The following ARHGEF38 variants were observed in gnomAD, a reference collection of about 807,000 sequenced individuals.
ARHGEF38 encodes the protein Rho guanine nucleotide exchange factor 38, also known as Rho guanine nucleotide exchange factor (GEF) 38.
Under a neutral mutation model 79.9 loss-of-function variants are expected in ARHGEF38, and 79 were observed. The ratio of observed to expected loss-of-function variants is 0.99; its 90% CI spans 0.82 to 1.19. The LOEUF (loss-of-function observed/expected upper bound fraction) is 1.19. Ranked by LOEUF, ARHGEF38 falls within the 50% of genes most tolerant of loss-of-function variation. ARHGEF38 has a pLI of 0.00. For missense variants in ARHGEF38, 962 were observed against 907.2 expected (o/e 1.06, Z -0.78); for synonymous variants, 366 against 328.3 (o/e 1.11, Z -1.24).
chr4:105,589,353 A>G lies in ARHGEF38; in HGVS notation c.302A>G (p.Glu101Gly), dbSNP rs1335016108. The G allele has an allele frequency of 6.2e-7, 1 of 1,614,134 alleles. No homozygotes were observed. Among genetic ancestry groups the G allele is most frequent in the Admixed American group, 1.7e-5 (1 of 60,016 alleles). The change falls in exon 2 of 14, where the codon GAG becomes GGG. Residue 101 changes from glutamate (E) to glycine (G), a missense_variant. Coordinates refer to ENST00000420470, the MANE Select transcript of ARHGEF38 (RefSeq NM_001242729.2). Reference sequence around the variant, plus strand: ...GCAAAGCGGGAAAAGATCATTAAGGAGCTGATACAGACAGAAAAGGATTAT... The same window carrying G: ...GCAAAGCGGGAAAAGATCATTAAGGGGCTGATACAGACAGAAAAGGATTAT... ...MMAKREKIIK[E>G]LIQTEKDYLN...
chr4:105,595,329 T>G (rs994315771), intron 2 of ARHGEF38, among the ~76,000 whole-genome samples: 5 of 152,224 alleles, frequency 3.3e-5, no homozygotes, highest in Non-Finnish European at 7.4e-5. Context: ...TTTAATCATG[T>G]GCCTTATGCT....
chr4:105,666,254 A>C lies in ARHGEF38; in HGVS notation c.1623A>C (p.Lys541Asn), dbSNP rs1487780027. 1 of 1,535,468 alleles carries C rather than the reference A, an allele frequency of 6.5e-7. No individual in the cohort carries two copies. Among genetic ancestry groups the C allele is most frequent in the African/African-American group, 1.4e-5 (1 of 73,034 alleles). The change falls in exon 11 of 14, where the codon AAA becomes AAC. Residue 541 changes from lysine (K) to asparagine (N), a missense_variant. Coordinates refer to ENST00000420470, the MANE Select transcript of ARHGEF38 (RefSeq NM_001242729.2). ...AGATCCAAAATTTGAATTGTGTGAA[A>C]GAAAACAGTGCCACCTTTATTGAGA... ...LEEIQNLNCV[K>N]ENSATFIERK...
rs531654178 is a variant in ARHGEF38, at chr4:105,594,014, G to A, written c.384+4579G>A. Among the ~76,000 whole-genome samples, 3 of 152,214 alleles carry A rather than the reference G, an allele frequency of 2.0e-5. No individual in the cohort carries two copies. The South Asian group carries it at 6.2e-4, about 32-fold the overall frequency. ...TGTTGATTTTTCACACTTTGACCTT[G>A]TTATTTAGCTATCTTTCAATGCTGT... On this transcript the variant is annotated intron_variant, in intron 2 of 13. Transcript: ENST00000420470.
chr4:105,557,764 G>A (rs535782937), intron 1 of ARHGEF38, among the ~76,000 whole-genome samples: 2 of 152,176 alleles, frequency 1.3e-5, no homozygotes, highest in Non-Finnish European at 2.9e-5. Flanking sequence ...CTAGCCTGCA[G>A]AACTGTGAAA....
intron 1 of ARHGEF38, among the ~76,000 whole-genome samples, chr4:105,571,383 C>A (rs1304341406): frequency 7.1e-6 from 1 of 140,218 alleles, no homozygotes; most frequent in Non-Finnish European, 1.5e-5. Flanking sequence ...AGTGCAATGG[C>A]GCAATCTTGG....
rs1308654778 is a variant in ARHGEF38 at position 105,556,051 on chromosome 4, G to C, written c.196+3090G>C. On this transcript the variant is annotated intron_variant, in intron 1 of 13. Transcript: ENST00000420470. ...CTAAGCCTGGAGTTGTATAATAATA[G>C]AAAGGCCACCCTTAGGCTCCCTTAC... Among the ~76,000 whole-genome samples, 3 of 152,142 alleles carry C rather than the reference G, an allele frequency of 2.0e-5. No homozygotes were observed. In the East Asian group the frequency reaches 5.8e-4, roughly 29 times the overall value.
intron 5 of ARHGEF38, among the ~76,000 whole-genome samples, chr4:105,644,106 A>C (rs1366366317): frequency 1.3e-5 from 2 of 151,728 alleles, no homozygotes; most frequent in Non-Finnish European, 2.9e-5. Flanking sequence ...GGGCTCAAGT[A>C]ATCTGCCTGC....
intron 1 of ARHGEF38, among the ~76,000 whole-genome samples, chr4:105,563,743 C>T (rs1409201192): frequency 1.3e-5 from 2 of 152,174 alleles, no homozygotes; most frequent in African/African-American, 2.4e-5. Context: ...TTGAACAATA[C>T]TCACAAGCAT....
chr4:105,666,457 A>G (rs1730752954), intron 11 of ARHGEF38, 137 bp downstream of exon 11: 2 of 1,055,734 alleles, frequency 1.9e-6, no homozygotes, highest in Non-Finnish European at 2.6e-6. Flanking sequence ...TTTCTTGTAC[A>G]TTTCTATCCT....
At position 105,645,203 on chromosome 4, in the gene ARHGEF38, A is replaced by G; in HGVS notation, c.690A>G (p.Leu230=). The part of the protein sequence containing the change: ...KIYMQEGKPN[L]LDMGSLMIKP... ...TGTATTGTAGAGGCAAACCAAACTT[A>G]TTGGACATGGGCTCTTTGATGATCA... Residue 230 remains leucine, a synonymous_variant, in exon 6 of 14, where the codon TTA becomes TTG. Transcript: ENST00000420470. The G allele has an allele frequency of 4.0e-6, 6 of 1,516,188 alleles. No homozygotes were observed. Among genetic ancestry groups the G allele is most frequent in the Non-Finnish European group, 4.4e-6 (5 of 1,137,218 alleles). 93.9% of individuals were successfully genotyped at this position (1,516,188 alleles called of 1,614,324 possible).
chr4:105,633,127 T>C (rs1729262577), intron 4 of ARHGEF38: 1 of 152,530 alleles, frequency 6.6e-6, no homozygotes, highest in Non-Finnish European at 1.5e-5. Flanking sequence ...TAGGTAACAG[T>C]TGCAGGCACT....
At chr4:105,638,062 C>A (rs1729470600) in intron 5 of ARHGEF38, among the ~76,000 whole-genome samples, 1 of 152,058 alleles carries the variant, frequency 6.6e-6, no homozygotes, top group Non-Finnish European at 1.5e-5. Flanking sequence ...CAGGAAAGGG[C>A]AAAAGGCAAT....
In ARHGEF38 at chr4:105,645,327, T is replaced by A; in HGVS notation, c.814T>A (p.Phe272Ile). 1 of 1,534,870 alleles carries A rather than the reference T, an allele frequency of 6.5e-7. No homozygotes were observed. Among genetic ancestry groups the A allele is most frequent in the Admixed American group, 2.0e-5 (1 of 50,528 alleles). The change falls in exon 6 of 14, where the codon TTT becomes ATT. Residue 272 changes from phenylalanine to isoleucine, a missense_variant. Coordinates refer to ENST00000420470, the MANE Select transcript of ARHGEF38 (RefSeq NM_001242729.2). ...HPDYRALDDA[F>I]AAVKDINVNI... ...AGATTACAGAGCACTGGACGATGCC[T>A]TTGCTGCTGTGAAGGACATTAATGT...
In ARHGEF38 at chr4:105,589,443, T is replaced by C; in HGVS notation, c.384+8T>C. 6.3e-6 allele frequency: 10 copies of C among 1,596,128 alleles called. No individual in the cohort carries two copies. In the South Asian group the frequency reaches 8.0e-5, roughly 13 times the overall value. ...CCCCTGAGAAATAAAAAGGTAAATA[T>C]ATATTTGAGATTTTTTTTTCTCTCC... is the stretch of plus-strand genomic sequence containing the variant. On this transcript the variant is annotated splice_region_variant and intron_variant, in intron 2 of 13. Coordinates refer to ENST00000420470, the MANE Select transcript of ARHGEF38 (RefSeq NM_001242729.2).
chr4:105,578,218 GT>G (rs1726598254), intron 1 of ARHGEF38, among the ~76,000 whole-genome samples: 1 of 152,142 alleles, frequency 6.6e-6, no homozygotes, highest in Admixed American at 6.5e-5. Flanking sequence ...TAATTTCCAT[GT>G]GTTTGTATAG....
At chr4:105,628,661 A>G (rs1729053029) in intron 3 of ARHGEF38, among the ~76,000 whole-genome samples, 1 of 152,134 alleles carries the variant, frequency 6.6e-6, no homozygotes, top group Non-Finnish European at 1.5e-5. Context: ...AGGCCCCCAG[A>G]AAGCACTACT....
At chr4:105,588,806 C>T (rs1446250965) in intron 1 of ARHGEF38, among the ~76,000 whole-genome samples, 1 of 152,190 alleles carries the variant, frequency 6.6e-6, no homozygotes, top group Non-Finnish European at 1.5e-5. Flanking sequence ...ATATTACCCA[C>T]TGAGAATGAG....
At chr4:105,563,763 T>G (rs866456747) in intron 1 of ARHGEF38, among the ~76,000 whole-genome samples, 4 of 152,212 alleles carry the variant, frequency 2.6e-5, no homozygotes, top group Middle Eastern at 3.2e-3. Context: ...TCAAGAGAAC[T>G]GTAAGTTCTG....
intron 1 of ARHGEF38, among the ~76,000 whole-genome samples, chr4:105,571,933 A>G (rs1364512255): frequency 6.6e-6 from 1 of 152,252 alleles, no homozygotes; most frequent in Non-Finnish European, 1.5e-5. Flanking sequence ...AGGCGAAAGT[A>G]CATTAGTCCT....
Sources: gnomAD v4.1 joint callset for allele counts (sites outside exome capture counted in the v4.1 genomes callset) on GRCh38, gnomAD v4.1.1 for gene constraint, MANE v1.5 for transcripts, NCBI Gene and HGNC (gene_info 2026-07-23, HGNC 2026-07-21) for gene names.